Variants in CNTN5 observed in about 807,000 individuals in gnomAD.
CNTN5 encodes contactin 5.
Under a neutral mutation model 129.1 loss-of-function variants are expected in CNTN5, and 77 were observed. That is an observed-to-expected ratio of 0.60 (90% confidence interval 0.50 to 0.72). CNTN5 has a LOEUF of 0.72. Among genes scored for constraint, CNTN5 ranks in the 30% least tolerant of loss-of-function variants. The pLI is 0.00. For synonymous variants in CNTN5, 509 were observed against 465.6 expected, an observed-to-expected ratio of 1.09 and a Z score of -1.20; for missense variants, 1,478 against 1,328.8, an observed-to-expected ratio of 1.11 and a Z score of -1.75.
intron 13 of CNTN5, among the ~76,000 whole-genome samples, chr11:100,181,558 C>T (rs1948139876): frequency 6.6e-6 from 1 of 151,816 alleles, no homozygotes; most frequent in Non-Finnish European, 1.5e-5. Context: ...TTAAAATGCG[C>T]ACTTACACAA....
At chr11:99,955,472 G>T (rs1352570982) in intron 7 of CNTN5, among the ~76,000 whole-genome samples, 1 of 152,104 alleles carries the variant, frequency 6.6e-6, no homozygotes, top group Non-Finnish European at 1.5e-5. Flanking sequence ...TAAAATATTT[G>T]AAAGTTTTGG....
At chr11:99,079,289 A>G (rs536109511) in intron 1 of CNTN5, among the ~76,000 whole-genome samples, 1 of 152,316 alleles carries the variant, frequency 6.6e-6, no homozygotes, top group Non-Finnish European at 1.5e-5. Flanking sequence ...ATAAAGAGGA[A>G]ATACTGTATT....
At chr11:99,775,306 T>A (rs1297735683) in intron 3 of CNTN5, among the ~76,000 whole-genome samples, 4 of 151,848 alleles carry the variant, frequency 2.6e-5, no homozygotes, top group African/African-American at 9.7e-5. Context: ...TCCTTAACAA[T>A]GAAAAATAAT....
intron 6 of CNTN5, among the ~76,000 whole-genome samples, chr11:99,873,158 C>T (rs555230768): frequency 8.5e-5 from 13 of 152,114 alleles, no homozygotes; most frequent in African/African-American, 3.1e-4. Context: ...CAATCTCAGA[C>T]CTCTCTCACT....
intron 18 of CNTN5, among the ~76,000 whole-genome samples, chr11:100,286,684 T>G (rs1950802520): frequency 6.7e-6 from 1 of 148,538 alleles, no homozygotes; most frequent in African/African-American, 2.6e-5. Flanking sequence ...CTGGAAACTC[T>G]AAAAAGCAGA....
At chr11:99,626,913 G>C (rs1463979847) in intron 3 of CNTN5, among the ~76,000 whole-genome samples, 1 of 152,098 alleles carries the variant, frequency 6.6e-6, no homozygotes, top group Admixed American at 6.6e-5. Flanking sequence ...ATGATCAAGA[G>C]GGTGAAGAAA....
chr11:99,748,895 A>T (rs972077758), intron 3 of CNTN5, among the ~76,000 whole-genome samples: 1 of 152,186 alleles, frequency 6.6e-6, no homozygotes. Context: ...ATGCCTAGAG[A>T]TAATATTTTA....
At chr11:100,328,475 A>G (rs79358524) in intron 21 of CNTN5, among the ~76,000 whole-genome samples, 1 of 152,334 alleles carries the variant, frequency 6.6e-6, no homozygotes, top group African/African-American at 2.4e-5. Flanking sequence ...CTGTACAGGA[A>G]GTCCGGCTGA....
At chr11:99,134,196 G>C (rs903882297) in intron 1 of CNTN5, among the ~76,000 whole-genome samples, 8 of 151,988 alleles carry the variant, frequency 5.3e-5, no homozygotes, top group African/African-American at 1.9e-4. Flanking sequence ...AGTGGGAGCT[G>C]AACAATGAGA....
chr11:99,575,554 G>A (rs1949317902), intron 3 of CNTN5, among the ~76,000 whole-genome samples: 1 of 152,118 alleles, frequency 6.6e-6, no homozygotes, highest in Non-Finnish European at 1.5e-5. Flanking sequence ...TTTGAGGGTC[G>A]CTAACATGGC....
intron 7 of CNTN5, among the ~76,000 whole-genome samples, chr11:99,952,932 C>T (rs915990836): frequency 6.6e-6 from 1 of 152,078 alleles, no homozygotes; most frequent in Non-Finnish European, 1.5e-5. Flanking sequence ...GGGACAGTTT[C>T]GTTATTAATT....
At chr11:99,384,129 T>A (rs1235723193) in intron 2 of CNTN5, among the ~76,000 whole-genome samples, 1 of 152,126 alleles carries the variant, frequency 6.6e-6, no homozygotes, top group East Asian at 1.9e-4. Context: ...AAATGATCCC[T>A]CCTCCTTTCA....
intron 3 of CNTN5, among the ~76,000 whole-genome samples, chr11:99,752,118 A>G (rs2135224413): frequency 6.6e-6 from 1 of 152,328 alleles, no homozygotes; most frequent in Non-Finnish European, 1.5e-5. Flanking sequence ...TCATTATAGC[A>G]GCACAGAATT....
intron 2 of CNTN5, among the ~76,000 whole-genome samples, chr11:99,536,630 A>G (rs1947909258): frequency 6.6e-6 from 1 of 152,116 alleles, no homozygotes; most frequent in Non-Finnish European, 1.5e-5. Context: ...GAAGAAAAGA[A>G]CCAAGTGATG....
At chr11:99,827,664 C>T (rs1051320070) in intron 4 of CNTN5, among the ~76,000 whole-genome samples, 2 of 152,166 alleles carry the variant, frequency 1.3e-5, no homozygotes, top group Non-Finnish European at 2.9e-5. Context: ...TCTGTAATAA[C>T]TTACACATAG....
intron 1 of CNTN5, among the ~76,000 whole-genome samples, chr11:99,171,460 C>A (rs1861145641): frequency 6.6e-6 from 1 of 152,158 alleles, no homozygotes; most frequent in Admixed American, 6.6e-5. Flanking sequence ...GTTACCCAGC[C>A]AATTCCTCAT....
intron 2 of CNTN5, among the ~76,000 whole-genome samples, chr11:99,429,470 C>A (rs1031927321): frequency 6.6e-6 from 1 of 152,000 alleles, no homozygotes; most frequent in Non-Finnish European, 1.5e-5. Flanking sequence ...AGGAACAATT[C>A]TTAGGTGAAA....
At chr11:99,360,434 G>A (rs954559680) in intron 2 of CNTN5, among the ~76,000 whole-genome samples, 9 of 152,178 alleles carry the variant, frequency 5.9e-5, no homozygotes, top group African/African-American at 2.2e-4. Context: ...TGGCTCTCCA[G>A]TGAGTCCTTT....
chr11:99,437,962 T>A (rs191149000), intron 2 of CNTN5, among the ~76,000 whole-genome samples: 1 of 152,348 alleles, frequency 6.6e-6, no homozygotes. Flanking sequence ...AAAAATGTTT[T>A]CTAGATGAGA....
Sources: gnomAD v4.1 joint callset for allele counts (sites outside exome capture counted in the v4.1 genomes callset) on GRCh38, gnomAD v4.1.1 for gene constraint, MANE v1.5 for transcripts, NCBI Gene and HGNC (gene_info 2026-07-23, HGNC 2026-07-21) for gene names.